The following LPP variants were observed in gnomAD, a reference collection of about 807,000 sequenced individuals.
LPP encodes lipoma-preferred partner.
Under a neutral mutation model 60.4 loss-of-function variants are expected in LPP, and 38 were observed. That is an observed-to-expected ratio of 0.63 (90% CI 0.49 to 0.83). The LOEUF (loss-of-function observed/expected upper bound fraction) is 0.83. LPP is among the 40% of genes least tolerant of loss of function. LPP has a pLI of 0.00. For synonymous variants in LPP, 328 were observed against 290.8 expected, an observed-to-expected ratio of 1.13 and a Z score of -1.30; for missense variants, 902 against 783.6, an observed-to-expected ratio of 1.15 and a Z score of -1.80.
intron 4 of LPP, among the ~76,000 whole-genome samples, chr3:188,458,525 T>A (rs1274627383): frequency 6.6e-6 from 1 of 152,132 alleles, no homozygotes; most frequent in Non-Finnish European, 1.5e-5. Context: ...TACAAAGGGA[T>A]GAGATTACTA....
chr3:188,442,065 A>G (rs1794120408), intron 4 of LPP, among the ~76,000 whole-genome samples: 2 of 152,356 alleles, frequency 1.3e-5, no homozygotes, highest in South Asian at 4.1e-4. Flanking sequence ...GTGCTTAGCA[A>G]TAACTATTGA....
chr3:188,171,280 A>G (rs192026461), intron 1 of LPP, among the ~76,000 whole-genome samples: 35 of 152,360 alleles, frequency 2.3e-4, no homozygotes, highest in African/African-American at 8.2e-4. Context: ...AGCATAGTTC[A>G]TGCCTACACA....
intron 9 of LPP, among the ~76,000 whole-genome samples, chr3:188,771,180 C>G (rs1049053303): frequency 2.0e-5 from 3 of 151,430 alleles, no homozygotes; most frequent in African/African-American, 7.3e-5. Flanking sequence ...TAGAATTCAC[C>G]AATAATATTG....
chr3:188,466,199 A>T (rs1800331099), intron 4 of LPP, among the ~76,000 whole-genome samples: 1 of 152,116 alleles, frequency 6.6e-6, no homozygotes, highest in African/African-American at 2.4e-5. Flanking sequence ...CGGCAGTGAG[A>T]TGGGAGAGTC....
At chr3:188,394,330 T>C (rs952038798) in intron 3 of LPP, among the ~76,000 whole-genome samples, 1 of 152,224 alleles carries the variant, frequency 6.6e-6, no homozygotes, top group African/African-American at 2.4e-5. Context: ...CAGAAAACTT[T>C]CTAGCAGTCA....
intron 3 of LPP, among the ~76,000 whole-genome samples, chr3:188,357,851 C>T (rs1768061336): frequency 6.6e-6 from 1 of 152,128 alleles, no homozygotes; most frequent in Non-Finnish European, 1.5e-5. Context: ...TGCATCAACC[C>T]CCTTCTGCCT....
At chr3:188,350,133 C>G (rs879496790) in intron 3 of LPP, among the ~76,000 whole-genome samples, 1 of 152,104 alleles carries the variant, frequency 6.6e-6, no homozygotes, top group Non-Finnish European at 1.5e-5. Context: ...GCTCTCAGAC[C>G]AACGTGACTT....
chr3:188,199,447 G>A (rs1226099983), intron 1 of LPP, among the ~76,000 whole-genome samples: 1 of 151,694 alleles, frequency 6.6e-6, no homozygotes. Context: ...CCAAAAAGGA[G>A]GAACAGACGT....
At chr3:188,276,695 TTCTCTCTC>T (rs768545804) in intron 2 of LPP, among the ~76,000 whole-genome samples, 7 of 16,416 alleles carry the variant, frequency 4.3e-4, no homozygotes, top group East Asian at 3.7e-3. Flanking sequence ...CTCTCTCTCT[TTCTCTCTC>T]TCTCTCTCTC....
chr3:188,289,848 C>T (rs1311617398), intron 2 of LPP, among the ~76,000 whole-genome samples: 1 of 152,136 alleles, frequency 6.6e-6, no homozygotes, highest in African/African-American at 2.4e-5. Flanking sequence ...CTTAGGATTT[C>T]GGTGTCTTCC....
At chr3:188,290,818 T>A (rs1410241224) in intron 2 of LPP, among the ~76,000 whole-genome samples, 1 of 152,202 alleles carries the variant, frequency 6.6e-6, no homozygotes, top group Non-Finnish European at 1.5e-5. Context: ...GAGGGTCAAT[T>A]CACTGGTCAA....
chr3:188,247,275 C>T (rs1013091838), intron 2 of LPP: 21 of 457,096 alleles, frequency 4.6e-5, no homozygotes, highest in East Asian at 1.6e-4. Context: ...AAAAAAAAAA[C>T]GCTGAGGCTA....
At chr3:188,873,484 A>G (rs1768696924) in intron 11 of LPP, among the ~76,000 whole-genome samples, 2 of 152,190 alleles carry the variant, frequency 1.3e-5, no homozygotes. Flanking sequence ...TTCTCCAAAG[A>G]CAAAGGCCAG....
chr3:188,263,000 G>C (rs1168307745), intron 2 of LPP, among the ~76,000 whole-genome samples: 1 of 151,082 alleles, frequency 6.6e-6, no homozygotes, highest in Non-Finnish European at 1.5e-5. Flanking sequence ...TTTTTTCTGT[G>C]TCCTTTAGCT....
intron 9 of LPP, among the ~76,000 whole-genome samples, chr3:188,841,501 C>T (rs986349191): frequency 6.7e-6 from 1 of 150,366 alleles, no homozygotes; most frequent in African/African-American, 2.5e-5. Flanking sequence ...AAGCGATTCT[C>T]CTGCCTCAGC....
chr3:188,464,746 A>G (rs931911003), intron 4 of LPP, among the ~76,000 whole-genome samples: 1 of 152,142 alleles, frequency 6.6e-6, no homozygotes, highest in African/African-American at 2.4e-5. Flanking sequence ...AGGGCACTCT[A>G]TAACACAGCA....
At chr3:188,326,819 C>T (rs999776273) in intron 2 of LPP, among the ~76,000 whole-genome samples, 1 of 152,006 alleles carries the variant, frequency 6.6e-6, no homozygotes, top group Non-Finnish European at 1.5e-5. Flanking sequence ...CTGTTTCCTG[C>T]TTGTATTCTA....
intron 6 of LPP, among the ~76,000 whole-genome samples, chr3:188,602,098 A>G (rs1435941081): frequency 7.2e-6 from 1 of 139,116 alleles, no homozygotes; most frequent in Non-Finnish European, 1.6e-5. Context: ...ATACACACAC[A>G]TATACATATA....
chr3:188,639,701 G>C (rs1396158240), intron 7 of LPP, among the ~76,000 whole-genome samples: 5 of 151,704 alleles, frequency 3.3e-5, no homozygotes, highest in South Asian at 4.2e-4. Context: ...CAAAAAGTGG[G>C]CGAAGGACAT....
Sources: gnomAD v4.1 joint callset for allele counts (sites outside exome capture counted in the v4.1 genomes callset) on GRCh38, gnomAD v4.1.1 for gene constraint, MANE v1.5 for transcripts, NCBI Gene and HGNC (gene_info 2026-07-23, HGNC 2026-07-21) for gene names.